ENTREP2: variants seen among roughly 807,000 people sequenced by gnomAD.
The protein encoded by ENTREP2 is endosomal transmembrane epsin interactor 2.
chr15:29,223,038 A>G, the ENTREP2 span, among the ~76,000 whole-genome samples: 1 of 152,198 alleles, frequency 6.6e-6, no homozygotes, highest in Non-Finnish European at 1.5e-5. Flanking sequence ...TCAGTCCTTA[A>G]CAAATTACTC....
the ENTREP2 span, among the ~76,000 whole-genome samples, chr15:29,210,323 A>G: frequency 1.3e-5 from 2 of 152,296 alleles, no homozygotes; most frequent in African/African-American, 4.8e-5. Flanking sequence ...TCTTCCCCAC[A>G]AAAACCACAA....
the ENTREP2 span, among the ~76,000 whole-genome samples, chr15:29,434,501 T>TAA: frequency 1.3e-5 from 2 of 152,152 alleles, no homozygotes; most frequent in Non-Finnish European, 2.9e-5. Flanking sequence ...CAATGTATCA[T>TAA]AAATCAGACT....
the ENTREP2 span, among the ~76,000 whole-genome samples, chr15:29,601,023 A>C: frequency 1.3e-5 from 2 of 149,602 alleles, no homozygotes; most frequent in Non-Finnish European, 2.9e-5. Context: ...TCAGCCTCCC[A>C]AGTAGCTGGG....
At chr15:29,566,754 A>G in the ENTREP2 span, among the ~76,000 whole-genome samples, 1 of 151,980 alleles carries the variant, frequency 6.6e-6, no homozygotes, top group African/African-American at 2.4e-5. Flanking sequence ...AACCATGCCC[A>G]GTCACTTTTT....
At chr15:29,428,565 CA>C in the ENTREP2 span, among the ~76,000 whole-genome samples, 161 of 139,006 alleles carry the variant, frequency 1.2e-3, no homozygotes, top group Middle Eastern at 0.011. Flanking sequence ...GCTCTTTTCC[CA>C]AAAAAAAAAA....
chr15:29,442,510 G>A, the ENTREP2 span, among the ~76,000 whole-genome samples: 2 of 152,204 alleles, frequency 1.3e-5, no homozygotes, highest in African/African-American at 4.8e-5. Flanking sequence ...TCTGTGGGCA[G>A]AGTACTCTGC....
At chr15:29,519,160 C>G in the ENTREP2 span, among the ~76,000 whole-genome samples, 1 of 143,634 alleles carries the variant, frequency 7.0e-6, no homozygotes, top group African/African-American at 2.9e-5. Context: ...CTCTCTCTCT[C>G]ACACACACAC....
chr15:29,199,730 G>A, the ENTREP2 span, among the ~76,000 whole-genome samples: 110 of 152,172 alleles, frequency 7.2e-4, no homozygotes, highest in African/African-American at 2.5e-3. Context: ...TTGAGTAAAC[G>A]TTTTAAATTT....
chr15:29,235,565 G>A, the ENTREP2 span, among the ~76,000 whole-genome samples: 32 of 152,304 alleles, frequency 2.1e-4, no homozygotes, highest in African/African-American at 7.5e-4. Context: ...AATATGTGGA[G>A]TGCAGCTAAA....
chr15:29,316,432 T>C, the ENTREP2 span, among the ~76,000 whole-genome samples: 3 of 152,296 alleles, frequency 2.0e-5, no homozygotes, highest in East Asian at 3.9e-4. Flanking sequence ...CATGAGGTAT[T>C]TGATGATAAA....
chr15:29,539,479 G>T, the ENTREP2 span, among the ~76,000 whole-genome samples: 1 of 152,056 alleles, frequency 6.6e-6, no homozygotes, highest in Non-Finnish European at 1.5e-5. Context: ...AGGAGCCCCT[G>T]AATATCCAAT....
chr15:29,644,266 T>C, the ENTREP2 span, among the ~76,000 whole-genome samples: 5 of 152,158 alleles, frequency 3.3e-5, no homozygotes, highest in Non-Finnish European at 5.9e-5. Context: ...AGATTACCGG[T>C]TGCCAAGGGC....
the ENTREP2 span, among the ~76,000 whole-genome samples, chr15:29,136,123 C>A: frequency 2.6e-5 from 4 of 152,230 alleles, no homozygotes; most frequent in African/African-American, 9.6e-5. Flanking sequence ...CTGCAGGTGC[C>A]GCTCTCTGAG....
At chr15:29,401,319 T>C in the ENTREP2 span, among the ~76,000 whole-genome samples, 1 of 152,034 alleles carries the variant, frequency 6.6e-6, no homozygotes, top group African/African-American at 2.4e-5. Flanking sequence ...CTCGTATAAA[T>C]TAATAAAAGA....
At chr15:29,538,040 T>C in the ENTREP2 span, among the ~76,000 whole-genome samples, 1 of 152,174 alleles carries the variant, frequency 6.6e-6, no homozygotes, top group African/African-American at 2.4e-5. Context: ...CCCCTTCTCC[T>C]GGATTTAACA....
chr15:29,631,210 G>A, the ENTREP2 span, among the ~76,000 whole-genome samples: 30 of 151,974 alleles, frequency 2.0e-4, no homozygotes, highest in Non-Finnish European at 3.1e-4. Context: ...TTGTGATGGC[G>A]GCTTTGAAAT....
At chr15:29,367,323 T>C in the ENTREP2 span, among the ~76,000 whole-genome samples, 2 of 152,176 alleles carry the variant, frequency 1.3e-5, no homozygotes, top group African/African-American at 4.8e-5. Flanking sequence ...ATAATTCTCA[T>C]GATGTGACCA....
chr15:29,137,929 C>T, the ENTREP2 span, among the ~76,000 whole-genome samples: 1 of 152,084 alleles, frequency 6.6e-6, no homozygotes, highest in African/African-American at 2.4e-5. Flanking sequence ...TGTCCCCACC[C>T]CACCCCAGAA....
the ENTREP2 span, among the ~76,000 whole-genome samples, chr15:29,584,936 AT>A: frequency 6.6e-6 from 1 of 152,152 alleles, no homozygotes; most frequent in Non-Finnish European, 1.5e-5. Context: ...AATATATACA[AT>A]TTTGTCAATT....
Sources: allele counts gnomAD v4.1 joint callset (sites outside exome capture counted in the v4.1 genomes callset), GRCh38; gene constraint gnomAD v4.1.1; transcripts MANE v1.5; gene names NCBI Gene and HGNC (gene_info 2026-07-23, HGNC 2026-07-21).